The following SNTG1 variants were observed in gnomAD, a reference collection of about 807,000 sequenced individuals.
SNTG1 encodes syntrophin gamma 1.
SNTG1 carries 39 observed loss-of-function variants against 74.7 expected under a neutral mutation model. That is an observed-to-expected ratio of 0.52 (90% CI 0.40 to 0.68). The LOEUF is 0.68. Ranked by LOEUF, SNTG1 falls within the 30% of genes least tolerant of loss-of-function variation. SNTG1 has a pLI of 0.00. For missense variants in SNTG1, 685 were observed against 609.5 expected (o/e 1.12, Z -1.30); for synonymous variants, 254 against 217.1 (o/e 1.17, Z -1.49).
chr8:50,627,055 TA>T (rs1474734569), intron 13 of SNTG1, among the ~76,000 whole-genome samples: 1 of 152,210 alleles, frequency 6.6e-6, no homozygotes, highest in African/African-American at 2.4e-5. Flanking sequence ...CTTATTATTT[TA>T]AAGTGGCTTT....
intron 1 of SNTG1, among the ~76,000 whole-genome samples, chr8:50,069,685 C>T (rs973488846): frequency 2.3e-5 from 3 of 132,348 alleles, no homozygotes; most frequent in African/African-American, 5.5e-5. Flanking sequence ...TTTTAAAACC[C>T]CCACTGTGTT....
At chr8:49,938,603 T>TTTTTTTTTTTCTTTCTTTC (rs1554524905) in intron 1 of SNTG1, among the ~76,000 whole-genome samples, 1 of 74,754 alleles carries the variant, frequency 1.3e-5, no homozygotes, top group African/African-American at 4.5e-5. Flanking sequence ...TTTTCTTTTC[T>TTTTTTTTTTTCTTTCTTTC]TTTCTTTCTT....
chr8:50,394,072 C>T (rs181717882), intron 2 of SNTG1, 140 bp from the exon 3 acceptor site: 2 of 545,030 alleles, frequency 3.7e-6, no homozygotes, highest in Non-Finnish European at 6.5e-6. Context: ...TTCAGTATAC[C>T]CTGGAGCTCT....
At chr8:50,578,616 A>G (rs957948504) in intron 12 of SNTG1, among the ~76,000 whole-genome samples, 2 of 152,178 alleles carry the variant, frequency 1.3e-5, no homozygotes, top group African/African-American at 2.4e-5. Context: ...AGGTAATCGA[A>G]TAATGGGGGT....
At chr8:49,977,433 G>C (rs535450334) in intron 1 of SNTG1, among the ~76,000 whole-genome samples, 4 of 152,096 alleles carry the variant, frequency 2.6e-5, no homozygotes, top group Non-Finnish European at 5.9e-5. Context: ...ACCTGTGCAA[G>C]GTCACCTCCA....
intron 2 of SNTG1, among the ~76,000 whole-genome samples, chr8:50,286,329 TC>T (rs1303256626): frequency 6.6e-6 from 1 of 152,194 alleles, no homozygotes; most frequent in Non-Finnish European, 1.5e-5. Context: ...GCTGTATCTG[TC>T]CCAATGTGAC....
intron 2 of SNTG1, among the ~76,000 whole-genome samples, chr8:50,208,724 G>A (rs530632970): frequency 9.9e-5 from 15 of 152,064 alleles, no homozygotes; most frequent in Non-Finnish European, 1.3e-4. Flanking sequence ...CATGTTTAGC[G>A]CTTCCTTCAG....
intron 2 of SNTG1, among the ~76,000 whole-genome samples, chr8:50,309,090 T>A (rs201887258): frequency 3.5e-4 from 53 of 152,030 alleles, no homozygotes; most frequent in South Asian, 6.2e-4. Flanking sequence ...AAAAAAAAAA[T>A]TTTCTAAAGC....
chr8:50,047,722 A>G (rs571137858), intron 1 of SNTG1, among the ~76,000 whole-genome samples: 1 of 152,306 alleles, frequency 6.6e-6, no homozygotes, highest in Admixed American at 6.5e-5. Context: ...GTGAAGGGAA[A>G]GCTTATCCTG....
At chr8:50,597,832 A>G (rs2094741842) in intron 13 of SNTG1, among the ~76,000 whole-genome samples, 1 of 151,972 alleles carries the variant, frequency 6.6e-6, no homozygotes, top group Non-Finnish European at 1.5e-5. Flanking sequence ...GCATTTTTAA[A>G]TGTAAATGTT....
At chr8:50,762,480 T>C in intron 18 of SNTG1, 2 of 349,182 alleles carry the variant, frequency 5.7e-6, no homozygotes, top group Admixed American at 6.2e-5. Context: ...AATAAGGCAG[T>C]GGCCAACTCA....
chr8:50,132,107 T>C (rs1563638406), intron 1 of SNTG1, among the ~76,000 whole-genome samples: 1 of 152,190 alleles, frequency 6.6e-6, no homozygotes, highest in Admixed American at 6.6e-5. Flanking sequence ...GAAATCAAAA[T>C]GTGATGCCTC....
chr8:50,003,706 A>G (rs928799136), intron 1 of SNTG1, among the ~76,000 whole-genome samples: 2 of 152,124 alleles, frequency 1.3e-5, no homozygotes, highest in African/African-American at 4.8e-5. Flanking sequence ...TTGTTCTCTC[A>G]AGAGGATCTG....
At chr8:50,579,756 A>G (rs769195407) in intron 12 of SNTG1, among the ~76,000 whole-genome samples, 13 of 152,246 alleles carry the variant, frequency 8.5e-5, no homozygotes, top group Non-Finnish European at 1.6e-4. Flanking sequence ...GAGTGCGCAG[A>G]AAACAAAAAT....
chr8:50,458,854 A>T (rs1248260141), intron 8 of SNTG1, among the ~76,000 whole-genome samples: 1 of 152,066 alleles, frequency 6.6e-6, no homozygotes, highest in Non-Finnish European at 1.5e-5. Context: ...ATTTTTTCCT[A>T]GTCTGTGGCT....
chr8:49,974,554 C>T (rs977147213), intron 1 of SNTG1, among the ~76,000 whole-genome samples: 1 of 152,112 alleles, frequency 6.6e-6, no homozygotes, highest in East Asian at 1.9e-4. Context: ...CTTTTGGTGT[C>T]ATAAGAGAGC....
At chr8:50,766,158 T>A (rs1444700138) in intron 18 of SNTG1, among the ~76,000 whole-genome samples, 1 of 151,974 alleles carries the variant, frequency 6.6e-6, no homozygotes, top group African/African-American at 2.4e-5. Context: ...ATACCTCCCT[T>A]ACCCCATTAG....
At chr8:50,338,169 A>G (rs1215007686) in intron 2 of SNTG1, among the ~76,000 whole-genome samples, 3 of 152,070 alleles carry the variant, frequency 2.0e-5, no homozygotes, top group Non-Finnish European at 4.4e-5. Flanking sequence ...ATAAATAAAA[A>G]TAAGTATTTT....
intron 2 of SNTG1, among the ~76,000 whole-genome samples, chr8:50,368,682 T>A (rs1256666113): frequency 1.3e-5 from 2 of 152,054 alleles, no homozygotes; most frequent in African/African-American, 2.4e-5. Context: ...TATAGGACCG[T>A]CTGGTCCTAT....
Sources: gnomAD v4.1 joint callset for allele counts (sites outside exome capture counted in the v4.1 genomes callset) on GRCh38, gnomAD v4.1.1 for gene constraint, MANE v1.5 for transcripts, NCBI Gene and HGNC (gene_info 2026-07-23, HGNC 2026-07-21) for gene names.